The following PDS5A variants were observed in gnomAD, a reference collection of about 807,000 sequenced individuals.
PDS5A encodes the protein sister chromatid cohesion protein PDS5 homolog A.
PDS5A carries 42 observed loss-of-function variants against 167.1 expected under a neutral mutation model. The observed-to-expected ratio is 0.25, with a 90% CI of 0.20 to 0.33. The LOEUF is 0.33. Among genes scored for constraint, PDS5A ranks in the 10% least tolerant of loss-of-function variants. The pLI is 1.00. For synonymous variants in PDS5A, 553 were observed against 554.6 expected (o/e 1.00, Z 0.04); for missense variants, 1,033 against 1,605.9 (o/e 0.64, Z 6.10).
chr4:39,842,047 A>C lies in PDS5A; in HGVS notation c.3558T>G (p.Ser1186Arg). ...PSTGNRSREQ[S>R]SEAAETGVSE... Reference sequence around the variant, plus strand: ...TAACTCCAGTTTCTGCTGCCTCTGAACTCTGTTCCCTGTTTAAAACAAATA... The same window carrying C: ...TAACTCCAGTTTCTGCTGCCTCTGACCTCTGTTCCCTGTTTAAAACAAATA... Residue 1186 changes from serine to arginine, a missense_variant, in exon 31 of 33, where the codon AGT (serine) becomes AGG (arginine). Transcript: ENST00000303538. 1 of 1,596,612 alleles carries C rather than the reference A, an allele frequency of 6.3e-7. No individual in the cohort carries two copies. The highest frequency in any genetic ancestry group is 1.3e-5 in the African/African-American group (1 of 74,596).
intron 26 of PDS5A, among the ~76,000 whole-genome samples, chr4:39,850,407 T>C (rs1718026186): frequency 6.6e-6 from 1 of 152,014 alleles, no homozygotes; most frequent in African/African-American, 2.4e-5. Context: ...GGAGGATCGC[T>C]TGTGGTTGCA....
intron 18 of PDS5A, 31 bp from the exon 19 acceptor site, chr4:39,877,184 A>G (rs897890949): frequency 1.4e-6 from 2 of 1,413,864 alleles, no homozygotes; most frequent in East Asian, 4.9e-5. Context: ...TTAGAAGTAC[A>G]GACAATGGTT....
chr4:39,906,097 C>A (rs1002858698), intron 11 of PDS5A, among the ~76,000 whole-genome samples: 2 of 152,096 alleles, frequency 1.3e-5, no homozygotes, highest in Non-Finnish European at 2.9e-5. Context: ...AACAGGCTCA[C>A]GCCTGTAATC....
chr4:39,948,453 T>C (rs1728004653), intron 2 of PDS5A, among the ~76,000 whole-genome samples: 1 of 149,092 alleles, frequency 6.7e-6, no homozygotes, highest in South Asian at 2.1e-4. Flanking sequence ...GCCTCCCGAG[T>C]AGCTGGGTTT....
At chr4:39,837,110 G>T (rs1475201184) in intron 32 of PDS5A, 1 of 151,510 alleles carries the variant, frequency 6.6e-6, no homozygotes, top group African/African-American at 2.4e-5. Context: ...GGGATTACAG[G>T]CATGAGCCAC....
At chr4:39,925,145 A>G (rs762140650) in intron 5 of PDS5A, among the ~76,000 whole-genome samples, 4 of 152,204 alleles carry the variant, frequency 2.6e-5, no homozygotes, top group Non-Finnish European at 5.9e-5. Context: ...CACACAGAAT[A>G]AAACAATAAC....
chr4:39,923,338 A>C (rs1424305185), intron 5 of PDS5A, among the ~76,000 whole-genome samples: 1 of 150,608 alleles, frequency 6.6e-6, no homozygotes, highest in South Asian at 2.1e-4. Flanking sequence ...AATTAAAAAA[A>C]AAAAAAAAGA....
chr4:39,902,337 A>G lies in PDS5A; in HGVS notation c.1499+10T>C. The G allele has an allele frequency of 8.2e-7, 1 of 1,218,346 alleles. No individual in the cohort carries two copies. Among genetic ancestry groups the G allele is most frequent in the African/African-American group, 1.5e-5 (1 of 65,932 alleles). The allele number at this position is 1,218,346 out of a possible 1,614,324, so 75.5% of individuals were successfully genotyped here. A position where few individuals can be genotyped will look rare whatever the true frequency, so the allele number is the denominator to read the frequency against. On this transcript the variant is annotated intron_variant, in intron 13 of 32. Coordinates refer to ENST00000303538, the MANE Select transcript of PDS5A (RefSeq NM_001100399.2). ...TAGAAAATACAGCAGTTATTTGAAA[A>G]GTAACTTACTTTACAGCATTTGGAT...
chr4:39,890,172 G>C (rs1487224698), intron 17 of PDS5A, 77 bp downstream of exon 17: 2 of 775,398 alleles, frequency 2.6e-6, no homozygotes, highest in Non-Finnish European at 4.2e-6. Flanking sequence ...GTATCTTTAG[G>C]AGCCCAGAAT....
intron 2 of PDS5A, among the ~76,000 whole-genome samples, chr4:39,963,340 T>C (rs1359981865): frequency 6.6e-6 from 1 of 151,856 alleles, no homozygotes; most frequent in Non-Finnish European, 1.5e-5. Context: ...GCACCTATAA[T>C]ACCAGCTACT....
intron 16 of PDS5A, among the ~76,000 whole-genome samples, chr4:39,891,648 A>G (rs1218709581): frequency 6.7e-6 from 1 of 149,084 alleles, no homozygotes; most frequent in Non-Finnish European, 1.5e-5. Flanking sequence ...CTCCATCTCA[A>G]AAGAAACAGA....
chr4:39,962,588 A>T (rs1182583008), intron 2 of PDS5A, among the ~76,000 whole-genome samples: 1 of 151,094 alleles, frequency 6.6e-6, no homozygotes, highest in Non-Finnish European at 1.5e-5. Context: ...AGCAGATCAC[A>T]AGGTCAGGAG....
At chr4:39,830,376 T>C (rs547801642) in intron 32 of PDS5A, among the ~76,000 whole-genome samples, 1 of 152,242 alleles carries the variant, frequency 6.6e-6, no homozygotes, top group South Asian at 2.1e-4. Flanking sequence ...AAATTTTTTG[T>C]AGAGACAGGG....
At chr4:39,889,458 C>T (rs1434972288) in intron 17 of PDS5A, among the ~76,000 whole-genome samples, 1 of 152,202 alleles carries the variant, frequency 6.6e-6, no homozygotes, top group African/African-American at 2.4e-5. Context: ...GTGAAATAAA[C>T]AGCGAAGCTT....
At chr4:39,899,295 A>C (rs1722676943) in intron 14 of PDS5A, among the ~76,000 whole-genome samples, 1 of 152,144 alleles carries the variant, frequency 6.6e-6, no homozygotes, top group African/African-American at 2.4e-5. Context: ...TCCTTTCTAA[A>C]ACGTACTTCC....
At chr4:39,887,306 G>A (rs1445745906) in intron 17 of PDS5A, among the ~76,000 whole-genome samples, 2 of 151,650 alleles carry the variant, frequency 1.3e-5, no homozygotes, top group African/African-American at 4.8e-5. Flanking sequence ...TTTTGTTGAG[G>A]GTATTTATCA....
At chr4:39,869,229 G>A (rs1719811762) in intron 22 of PDS5A, among the ~76,000 whole-genome samples, 165 bp downstream of exon 22, 2 of 152,198 alleles carry the variant, frequency 1.3e-5, no homozygotes, top group Admixed American at 1.3e-4. Context: ...CCAGCACTTT[G>A]GGAGGCTGAA....
At chr4:39,955,359 T>C (rs1728824610) in intron 2 of PDS5A, among the ~76,000 whole-genome samples, 4 of 152,110 alleles carry the variant, frequency 2.6e-5, no homozygotes, top group Admixed American at 1.3e-4. Context: ...CCCAGCACTT[T>C]GGGAGGCTGA....
intron 26 of PDS5A, 107 bp from the exon 27 acceptor site, chr4:39,849,759 TGATC>T: frequency 6.0e-6 from 4 of 671,808 alleles, no homozygotes; most frequent in African/African-American, 1.8e-5. Flanking sequence ...TAAAATAAAA[TGATC>T]AACCTTAATG....
Sources: gnomAD v4.1 joint callset for allele counts (sites outside exome capture counted in the v4.1 genomes callset) on GRCh38, gnomAD v4.1.1 for gene constraint, MANE v1.5 for transcripts, NCBI Gene and HGNC (gene_info 2026-07-23, HGNC 2026-07-21) for gene names.